The following DYNC2H1 variants were observed in gnomAD, a reference collection of about 807,000 sequenced individuals.
DYNC2H1 encodes cytoplasmic dynein 2 heavy chain 1.
DYNC2H1 carries 410 observed loss-of-function variants against 570.0 expected under a neutral mutation model. The ratio of observed to expected loss-of-function variants is 0.72; its 90% CI spans 0.66 to 0.78. The LOEUF (loss-of-function observed/expected upper bound fraction) is 0.78. Ranked by LOEUF, DYNC2H1 falls within the 30% of genes least tolerant of loss-of-function variation. DYNC2H1 has a pLI of 0.00. For synonymous variants in DYNC2H1, 1,688 were observed against 1,677.6 expected (o/e 1.01, Z -0.15); for missense variants, 4,865 against 5,046.4 (o/e 0.96, Z 1.09).
chr11:103,183,651 G>C (rs1179117677), intron 40 of DYNC2H1, among the ~76,000 whole-genome samples: 2 of 151,530 alleles, frequency 1.3e-5, no homozygotes, highest in East Asian at 3.9e-4. Flanking sequence ...TCAGCCTATG[G>C]GATAAATCTT....
chr11:103,167,563 C>G (rs926611463), intron 31 of DYNC2H1, among the ~76,000 whole-genome samples: 2 of 152,054 alleles, frequency 1.3e-5, no homozygotes, highest in African/African-American at 4.8e-5. Context: ...CCTCTTTGCC[C>G]GGCAATAATA....
intron 84 of DYNC2H1, among the ~76,000 whole-genome samples, chr11:103,413,302 C>G (rs1393345477): frequency 2.0e-5 from 3 of 152,194 alleles, no homozygotes; most frequent in Middle Eastern, 3.4e-3. Context: ...AGTTCTACTC[C>G]AACTATTTTA....
At position 103,319,047 on chromosome 11, in the gene DYNC2H1, ATATT is replaced by A. The variant is rs1938023866; in HGVS notation, c.11726-1976_11726-1973del. On this transcript the variant is annotated intron_variant, in intron 80 of 88. Coordinates refer to ENST00000375735, the MANE Select transcript of DYNC2H1 (RefSeq NM_001377.3). This position sits in a 1 kb window ranked among gnomAD's most constrained non-coding sequence, Gnocchi z 4.3. ...TGGTAATTTTCCAAAATGCTTTTGA[ATATT>A]TATTTGACTTTTATAATACCACTAT... is the stretch of plus-strand genomic sequence containing the variant. 6.6e-6 allele frequency among the ~76,000 whole-genome samples: 1 copy of A among 152,100 alleles called. No homozygotes were observed. The highest frequency in any genetic ancestry group is 2.1e-4 in the South Asian group (1 of 4,830).
In DYNC2H1 at chr11:103,190,021, A is replaced by G. The variant is rs149174014; in HGVS notation, c.7437+205A>G. On this transcript the variant is annotated intron_variant, in intron 45 of 88. Coordinates refer to ENST00000375735, the MANE Select transcript of DYNC2H1 (RefSeq NM_001377.3). Reference sequence around the variant, plus strand: ...GCACAGTTTCTAATAGGCACTCGATATTTGTTGAATGAATGCATTTGTGGT... The same window carrying G: ...GCACAGTTTCTAATAGGCACTCGATGTTTGTTGAATGAATGCATTTGTGGT... Among the ~76,000 whole-genome samples, 1,570 of 152,238 alleles carry G rather than the reference A, an allele frequency of 0.01. 28 individuals carry two copies. The highest frequency in any genetic ancestry group is 0.036 in the African/African-American group (1,498 of 41,552).
chr11:103,383,324 C>G (rs1188498436), intron 83 of DYNC2H1, among the ~76,000 whole-genome samples: 2 of 152,146 alleles, frequency 1.3e-5, no homozygotes, highest in African/African-American at 4.8e-5. Flanking sequence ...CAGAGTTAGC[C>G]CCAGCTTCAC....
intron 83 of DYNC2H1, among the ~76,000 whole-genome samples, chr11:103,393,772 T>C (rs2566932): frequency 0.67 from 101,593 of 151,496 alleles, 34,172 homozygotes; most frequent in Admixed American, 0.73. Flanking sequence ...AATGAACTTA[T>C]AGTTCCATAT....
intron 77 of DYNC2H1, among the ~76,000 whole-genome samples, chr11:103,306,576 TA>T: frequency 6.6e-6 from 1 of 152,248 alleles, no homozygotes; most frequent in South Asian, 2.1e-4. Context: ...ATATAAACTT[TA>T]CATTTTAAAG....
intron 13 of DYNC2H1, among the ~76,000 whole-genome samples, chr11:103,130,248 C>A (rs1859206034): frequency 6.6e-6 from 1 of 152,116 alleles, no homozygotes; most frequent in Non-Finnish European, 1.5e-5. Context: ...AGCAAATATT[C>A]AGCATAAACC....
chr11:103,112,355 A>G (rs1858153904), intron 1 of DYNC2H1, among the ~76,000 whole-genome samples: 1 of 152,184 alleles, frequency 6.6e-6, no homozygotes, highest in Non-Finnish European at 1.5e-5. Flanking sequence ...ATAGGAAGTT[A>G]TTGGTAATCT....
chr11:103,222,883 C>T lies in DYNC2H1; in HGVS notation c.9232-82C>T, dbSNP rs977602377. On this transcript the variant is annotated intron_variant, in intron 58 of 88. Coordinates refer to ENST00000375735, the MANE Select transcript of DYNC2H1 (RefSeq NM_001377.3). ...TTATTTGGGTCAAGTTAATAAGTGC[C>T]CAAATAAAGTGTGTTAGAATTAACT... The T allele has an allele frequency of 1.9e-5, 30 of 1,556,828 alleles. No homozygotes were observed. The African/African-American group carries it at 4.0e-4, about 21-fold the overall frequency.
chr11:103,447,393 G>A (rs1251979888), intron 85 of DYNC2H1, among the ~76,000 whole-genome samples: 1 of 151,966 alleles, frequency 6.6e-6, no homozygotes, highest in Non-Finnish European at 1.5e-5. Flanking sequence ...AATCAACCCA[G>A]TGGAAATAGA....
intron 83 of DYNC2H1, among the ~76,000 whole-genome samples, chr11:103,382,586 T>C (rs1442357025): frequency 2.0e-5 from 3 of 152,222 alleles, no homozygotes; most frequent in Non-Finnish European, 2.9e-5. Context: ...TTTCAAAACT[T>C]TGTGGTACGA....
intron 87 of DYNC2H1, among the ~76,000 whole-genome samples, chr11:103,467,726 A>T (rs1299118671): frequency 6.6e-6 from 1 of 151,974 alleles, no homozygotes; most frequent in East Asian, 1.9e-4. Context: ...TTTAGTACAG[A>T]TGGGGTTTCA....
chr11:103,109,917 G>C (rs943338465), intron 1 of DYNC2H1, 148 bp downstream of exon 1: 5 of 824,532 alleles, frequency 6.1e-6, no homozygotes, highest in Non-Finnish European at 9.0e-6. Context: ...TGCATTATTG[G>C]CTTAGATGCG....
chr11:103,342,751 G>A (rs767829678), intron 82 of DYNC2H1, among the ~76,000 whole-genome samples: 19 of 151,808 alleles, frequency 1.3e-4, no homozygotes, highest in Middle Eastern at 3.4e-3. Flanking sequence ...TGATCCACCC[G>A]CCTTGGCCTC....
At chr11:103,224,264 A>AT (rs11441387) in intron 59 of DYNC2H1, among the ~76,000 whole-genome samples, 1 of 150,602 alleles carries the variant, frequency 6.6e-6, no homozygotes, top group Admixed American at 6.6e-5. Context: ...AAAAAAAAAA[A>AT]TTTCAATAGG....
At chr11:103,235,569 C>T (rs1864187679) in intron 61 of DYNC2H1, 103 bp from the exon 62 acceptor site, 7 of 1,073,138 alleles carry the variant, frequency 6.5e-6, no homozygotes, top group Non-Finnish European at 8.8e-6. Flanking sequence ...CAAGTTATTA[C>T]CTGTGATTTT....
intron 83 of DYNC2H1, among the ~76,000 whole-genome samples, chr11:103,378,000 G>T (rs987988879): frequency 3.9e-5 from 6 of 152,184 alleles, no homozygotes; most frequent in Admixed American, 3.3e-4. Flanking sequence ...GCCTCCCAAA[G>T]CAATGGGATT....
chr11:103,470,999 C>T (rs145645440), intron 88 of DYNC2H1, among the ~76,000 whole-genome samples: 60,338 of 151,168 alleles, frequency 0.4, 13,222 homozygotes, highest in Non-Finnish European at 0.51. Flanking sequence ...ACACTGACTT[C>T]CACAATGGTT....
Sources: gnomAD v4.1 joint callset for allele counts (sites outside exome capture counted in the v4.1 genomes callset) on GRCh38, gnomAD v4.1.1 for gene constraint, Gnocchi (gnomAD v3.1) non-coding constraint, MANE v1.5 for transcripts, NCBI Gene and HGNC (gene_info 2026-07-23, HGNC 2026-07-21) for gene names.